The following CAPN2 variants were observed in gnomAD, a reference collection of about 807,000 sequenced individuals.
CAPN2 encodes the protein calpain 2.
Under a neutral mutation model 102.3 loss-of-function variants are expected in CAPN2, and 92 were observed. The ratio of observed to expected loss-of-function variants is 0.90; its 90% CI spans 0.76 to 1.07. The LOEUF is 1.07. Among genes scored for constraint, CAPN2 ranks in the 50% least tolerant of loss-of-function variants. CAPN2 has a pLI of 0.00. For synonymous variants in CAPN2, 340 were observed against 355.4 expected, an observed-to-expected ratio of 0.96 and a Z score of 0.49; for missense variants, 800 against 909.4, an observed-to-expected ratio of 0.88 and a Z score of 1.55.
At chr1:223,735,683 G>T (rs1392984484) in intron 2 of CAPN2, among the ~76,000 whole-genome samples, 3 of 152,136 alleles carry the variant, frequency 2.0e-5, no homozygotes, top group South Asian at 2.1e-4. Context: ...TGGCTGTGGG[G>T]TGCTCCGTGG....
intron 2 of CAPN2, among the ~76,000 whole-genome samples, chr1:223,742,313 AC>A (rs1188507719): frequency 6.6e-6 from 1 of 151,710 alleles, no homozygotes; most frequent in East Asian, 1.9e-4. Context: ...AATCACTTGA[AC>A]CCAGGAGGCA....
chr1:223,724,545 G>T (rs1441834118), intron 2 of CAPN2, among the ~76,000 whole-genome samples: 1 of 152,232 alleles, frequency 6.6e-6, no homozygotes, highest in Non-Finnish European at 1.5e-5. Flanking sequence ...TAATTTAAAT[G>T]TAAATAGCCA....
rs28370039 is a variant in CAPN2 at position 223,727,911 on chromosome 1, G to A, written c.307+10080G>A. Among the ~76,000 whole-genome samples the A allele has an allele frequency of 3.5e-3, 530 of 152,274 alleles. 1 individual carries two copies. Among genetic ancestry groups the A allele is most frequent in the African/African-American group, 0.012 (505 of 41,536 alleles). ...CCTTTCCAAACCACACATCAGCAGG[G>A]AGACAGTGGGAACATCTCAGGTCCA... is the stretch of plus-strand genomic sequence containing the variant. On this transcript the variant is annotated intron_variant, in intron 2 of 20. Transcript: ENST00000295006. The surrounding 1 kb of genome is among the most constrained non-coding windows in gnomAD (Gnocchi z 4.1).
chr1:223,768,409 G>C (rs1661391455), intron 16 of CAPN2, among the ~76,000 whole-genome samples: 1 of 150,006 alleles, frequency 6.7e-6, no homozygotes, highest in East Asian at 2.0e-4. Flanking sequence ...TTCTACATAT[G>C]GCTAGCCAGT....
intron 2 of CAPN2, among the ~76,000 whole-genome samples, chr1:223,732,578 T>TCCTGCA (rs1268063374): frequency 2.0e-5 from 3 of 152,202 alleles, no homozygotes; most frequent in Non-Finnish European, 4.4e-5. Flanking sequence ...CCGGCTTCTT[T>TCCTGCA]ACTGCAACTG....
At position 223,764,166 on chromosome 1, in the gene CAPN2, C is replaced by T. The variant is rs1468804991; in HGVS notation, c.1649C>T (p.Ala550Val). 4 of 1,613,920 alleles carry T rather than the reference C, an allele frequency of 2.5e-6. No individual in the cohort carries two copies. The highest frequency in any genetic ancestry group is 3.4e-6 in the Non-Finnish European group (4 of 1,179,850). The change falls in exon 15 of 21, where the codon GCC becomes GTC. Residue 550 changes from alanine (A) to valine (V), a missense_variant. Coordinates refer to ENST00000295006, the MANE Select transcript of CAPN2 (RefSeq NM_001748.5). ...TGTCCACAGGATGCGGAGATCTCTG[C>T]CTTTGAGCTGCAGACCATCCTGAGA... ...QLAGEDAEIS[A>V]FELQTILRRV...
intron 7 of CAPN2, among the ~76,000 whole-genome samples, chr1:223,751,266 T>C (rs981903743): frequency 6.6e-6 from 1 of 152,102 alleles, no homozygotes; most frequent in Non-Finnish European, 1.5e-5. Context: ...CACCCTTCTA[T>C]GGGGCTTTCA....
At chr1:223,732,521 C>T (rs1289198431) in intron 2 of CAPN2, among the ~76,000 whole-genome samples, 2 of 152,078 alleles carry the variant, frequency 1.3e-5, no homozygotes, top group African/African-American at 2.4e-5. Context: ...GCAGTGAGGA[C>T]GAGCAGAGGT....
At position 223,750,754 on chromosome 1, in the gene CAPN2, A is replaced by G. The variant is rs1284993473; in HGVS notation, c.814-136A>G. On this transcript the variant is annotated intron_variant, in intron 6 of 20. Transcript: ENST00000295006. ...TCTTGTGATCCTCCCTCATACATGG[A>G]CTCAACCCCCAAATCCTCCCCACCG... 4.0e-6 allele frequency: 3 copies of G among 742,470 alleles called. No homozygotes were observed. The Admixed American group carries it at 6.4e-5, about 16-fold the overall frequency. 46.0% of individuals were successfully genotyped at this position (742,470 alleles called of 1,614,324 possible).
chr1:223,768,917 G>A (rs941390560), intron 16 of CAPN2, among the ~76,000 whole-genome samples: 1 of 152,076 alleles, frequency 6.6e-6, no homozygotes, highest in Non-Finnish European at 1.5e-5. Context: ...CTTGTAAGTT[G>A]GATAAGATCG....
At chr1:223,711,595 T>C (rs1659728902), upstream of CAPN2, among the ~76,000 whole-genome samples, 1 of 150,948 alleles carries the variant, frequency 6.6e-6, no homozygotes, top group Admixed American at 6.6e-5. Flanking sequence ...GTTGTTGTTT[T>C]ATTGGCCAAA....
intron 16 of CAPN2, 88 bp downstream of exon 16, chr1:223,766,519 T>A: frequency 9.5e-7 from 1 of 1,056,728 alleles, no homozygotes; most frequent in South Asian, 1.3e-5. Context: ...CTTCTCCCTT[T>A]TCAAAATAGC....
At chr1:223,750,535 T>A (rs1660860373) in intron 6 of CAPN2, among the ~76,000 whole-genome samples, 1 of 152,218 alleles carries the variant, frequency 6.6e-6, no homozygotes, top group Non-Finnish European at 1.5e-5. Context: ...GTGCCTGTTA[T>A]CACCAGTGAT....
At chr1:223,738,692 T>A (rs1392411928) in intron 2 of CAPN2, among the ~76,000 whole-genome samples, 1 of 152,236 alleles carries the variant, frequency 6.6e-6, no homozygotes, top group African/African-American at 2.4e-5. Context: ...AGAGAAGCCC[T>A]GCACACTGTT....
intron 2 of CAPN2, among the ~76,000 whole-genome samples, chr1:223,736,959 A>T (rs1489645831): frequency 6.6e-6 from 1 of 152,128 alleles, no homozygotes; most frequent in East Asian, 1.9e-4. Context: ...GGATCACTTG[A>T]GCCCGGGAGG....
chr1:223,765,807 TG>T (rs1251070900), intron 15 of CAPN2, among the ~76,000 whole-genome samples: 1 of 152,154 alleles, frequency 6.6e-6, no homozygotes, highest in Non-Finnish European at 1.5e-5. Context: ...GTGAAGTCTG[TG>T]GGGAGCCAGG....
rs750693781 is a variant in CAPN2, at chr1:223,747,132, G to A, written c.696G>A (p.Leu232=). 6.2e-7 allele frequency: 1 copy of A among 1,613,882 alleles called. No homozygotes were observed. The highest frequency in any genetic ancestry group is 2.2e-5 in the East Asian group (1 of 44,876). ...PNLFKIIQKA[L]QKGSLLGCSI... ...TGTTCAAGATCATCCAGAAAGCTCT[G>A]CAAAAAGGCTCTCTCCTTGGCTGCT... is the stretch of plus-strand genomic sequence containing the variant. The change falls in exon 5 of 21, where the codon CTG becomes CTA. Residue 232 remains leucine, a synonymous_variant. Transcript: ENST00000295006.
At chr1:223,769,716 G>C in intron 16 of CAPN2, 125 bp from the exon 17 acceptor site, 1 of 736,222 alleles carries the variant, frequency 1.4e-6, no homozygotes, top group Non-Finnish European at 2.4e-6. Flanking sequence ...GCAGGAAAAG[G>C]ATCCTTCTGC....
At chr1:223,741,992 G>A (rs999438854) in intron 2 of CAPN2, among the ~76,000 whole-genome samples, 6 of 152,154 alleles carry the variant, frequency 3.9e-5, no homozygotes, top group Non-Finnish European at 5.9e-5. Flanking sequence ...TGTCATTAGC[G>A]TATATAGGCC....
Sources: allele counts gnomAD v4.1 joint callset (sites outside exome capture counted in the v4.1 genomes callset), GRCh38; gene constraint gnomAD v4.1.1; non-coding constraint Gnocchi (gnomAD v3.1); transcripts MANE v1.5; gene names NCBI Gene and HGNC (gene_info 2026-07-23, HGNC 2026-07-21).